Variants in COL8A1 observed in about 807,000 individuals in gnomAD.
COL8A1 encodes the protein collagen alpha-1(VIII) chain.
Under a neutral mutation model 42.7 loss-of-function variants are expected in COL8A1, and 21 were observed. That is an observed-to-expected ratio of 0.49 (90% CI 0.35 to 0.71). The LOEUF (loss-of-function observed/expected upper bound fraction) is 0.71, where lower values mean the gene tolerates loss of function less well. Among genes scored for constraint, COL8A1 ranks in the 30% least tolerant of loss-of-function variants. The pLI is 0.01. For missense variants in COL8A1, 788 were observed against 962.4 expected (o/e 0.82, Z 2.40); for synonymous variants, 367 against 369.1 (o/e 0.99, Z 0.06).
intron 1 of COL8A1, among the ~76,000 whole-genome samples, chr3:99,742,736 A>G (rs901640425): frequency 6.6e-6 from 1 of 152,198 alleles, no homozygotes; most frequent in African/African-American, 2.4e-5. Flanking sequence ...CAGTTTCATC[A>G]GCTACCAAGG....
At chr3:99,691,688 GC>G (rs1190160823) in intron 1 of COL8A1, 20 of 117,348 alleles carry the variant, frequency 1.7e-4, no homozygotes, top group South Asian at 3.1e-4. Flanking sequence ...TTAGCAGTGA[GC>G]TTTTTTTTTT....
intron 1 of COL8A1, among the ~76,000 whole-genome samples, chr3:99,669,146 T>TATATAGAG: frequency 2.6e-5 from 3 of 115,364 alleles, no homozygotes; most frequent in Non-Finnish European, 3.6e-5. Flanking sequence ...TATATATATA[T>TATATAGAG]AGAGGGAGAG....
chr3:99,738,259 C>A (rs543913140), intron 1 of COL8A1, among the ~76,000 whole-genome samples: 46 of 152,314 alleles, frequency 3.0e-4, no homozygotes, highest in Admixed American at 2.2e-3. Context: ...TTTGTTCCAT[C>A]GCTGGTGAGG....
At chr3:99,724,115 C>A (rs1301745510) in intron 1 of COL8A1, among the ~76,000 whole-genome samples, 3 of 152,030 alleles carry the variant, frequency 2.0e-5, no homozygotes, top group African/African-American at 4.8e-5. Context: ...CCGTCCTTGA[C>A]AATAATGGTT....
chr3:99,749,476 T>C (rs1941096764), intron 2 of COL8A1, among the ~76,000 whole-genome samples: 2 of 152,342 alleles, frequency 1.3e-5, no homozygotes, highest in East Asian at 3.9e-4. Context: ...GGAACAGTTC[T>C]AGACACTGAG....
chr3:99,646,101 A>T (rs1435023220), intron 1 of COL8A1, among the ~76,000 whole-genome samples: 1 of 152,162 alleles, frequency 6.6e-6, no homozygotes, highest in Non-Finnish European at 1.5e-5. Context: ...CCTAGACTGA[A>T]GTGAATACCT....
intron 1 of COL8A1, among the ~76,000 whole-genome samples, chr3:99,660,765 G>A (rs765707759): frequency 6.6e-5 from 10 of 152,100 alleles, no homozygotes; most frequent in Non-Finnish European, 1.5e-4. Flanking sequence ...TAGGGCTGGG[G>A]GCAGAACCAA....
intron 1 of COL8A1, among the ~76,000 whole-genome samples, chr3:99,668,863 T>C (rs945178478): frequency 2.0e-5 from 3 of 151,476 alleles, no homozygotes; most frequent in African/African-American, 7.3e-5. Context: ...TAAAGAAGAG[T>C]AAAATAAACA....
chr3:99,767,185 C>A (rs533665723), intron 2 of COL8A1, among the ~76,000 whole-genome samples: 1 of 152,168 alleles, frequency 6.6e-6, no homozygotes, highest in Non-Finnish European at 1.5e-5. Flanking sequence ...GAAGGTGACA[C>A]TTTTTACAAT....
rs150358842 is a variant in COL8A1, at chr3:99,682,185, C to A, written c.-129+43521C>A. Among the ~76,000 whole-genome samples, 626 of 152,102 alleles carry A rather than the reference C, an allele frequency of 4.1e-3. 3 individuals carry two copies. Among genetic ancestry groups the A allele is most frequent in the African/African-American group, 0.013 (557 of 41,472 alleles). ...ATCCCAGCACTTTCGGAGGCCAAGGCGGGAGGATGACTTGAGGGCAGGAGT... is the reference window on the plus strand; with the variant it reads ...ATCCCAGCACTTTCGGAGGCCAAGGAGGGAGGATGACTTGAGGGCAGGAGT... On this transcript the variant is annotated intron_variant, in intron 1 of 3. Coordinates refer to ENST00000652472, the MANE Select transcript of COL8A1 (RefSeq NM_020351.4).
At chr3:99,704,953 G>A (rs758508209) in intron 1 of COL8A1, among the ~76,000 whole-genome samples, 1 of 152,126 alleles carries the variant, frequency 6.6e-6, no homozygotes, top group African/African-American at 2.4e-5. Flanking sequence ...AGGCAGTGTA[G>A]GGCAGCAGGA....
intron 1 of COL8A1, among the ~76,000 whole-genome samples, chr3:99,719,993 T>C (rs534931708): frequency 6.6e-6 from 1 of 152,256 alleles, no homozygotes; most frequent in Non-Finnish European, 1.5e-5. Flanking sequence ...TATTGGTAAA[T>C]TTTTTAGTCC....
At chr3:99,657,071 G>A (rs1056919677) in intron 1 of COL8A1, among the ~76,000 whole-genome samples, 3 of 152,094 alleles carry the variant, frequency 2.0e-5, no homozygotes, top group Non-Finnish European at 4.4e-5. Context: ...CTTGCTTTTA[G>A]GACAAATAGG....
intron 1 of COL8A1, among the ~76,000 whole-genome samples, chr3:99,645,357 T>G (rs569240554): frequency 1.3e-5 from 2 of 151,614 alleles, no homozygotes; most frequent in Non-Finnish European, 1.5e-5. Context: ...GCTAAGAATT[T>G]GTGAGTTAGG....
intron 1 of COL8A1, among the ~76,000 whole-genome samples, chr3:99,692,112 T>G (rs1939237773): frequency 6.6e-6 from 1 of 152,078 alleles, no homozygotes; most frequent in East Asian, 1.9e-4. Context: ...CTCTTTCCTC[T>G]GTCTCTCACC....
At chr3:99,752,588 A>G (rs1941174166) in intron 2 of COL8A1, among the ~76,000 whole-genome samples, 1 of 151,872 alleles carries the variant, frequency 6.6e-6, no homozygotes, top group Non-Finnish European at 1.5e-5. Context: ...GCGTTACCTA[A>G]TCCCTGATTG....
At chr3:99,662,251 G>C (rs1938228915) in intron 1 of COL8A1, among the ~76,000 whole-genome samples, 1 of 152,066 alleles carries the variant, frequency 6.6e-6, no homozygotes, top group African/African-American at 2.4e-5. Flanking sequence ...GCGTGGTGGT[G>C]AGTGCCTATA....
At chr3:99,664,348 T>A (rs1938298241) in intron 1 of COL8A1, among the ~76,000 whole-genome samples, 1 of 152,218 alleles carries the variant, frequency 6.6e-6, no homozygotes, top group Non-Finnish European at 1.5e-5. Context: ...GCTTTCAGAC[T>A]GGCTCTACTA....
intron 1 of COL8A1, among the ~76,000 whole-genome samples, chr3:99,667,187 A>T (rs544556558): frequency 9.9e-5 from 15 of 152,258 alleles, no homozygotes; most frequent in African/African-American, 3.6e-4. Context: ...TTTCCTATCA[A>T]ATGAGCTCTG....
Sources: allele counts gnomAD v4.1 joint callset (sites outside exome capture counted in the v4.1 genomes callset), GRCh38; gene constraint gnomAD v4.1.1; transcripts MANE v1.5; gene names NCBI Gene and HGNC (gene_info 2026-07-23, HGNC 2026-07-21).